PSD3: variants seen among roughly 807,000 people sequenced by gnomAD.
PSD3 encodes the protein pleckstrin and Sec7 domain containing 3.
Under a neutral mutation model 105.5 loss-of-function variants are expected in PSD3, and 49 were observed. The ratio of observed to expected loss-of-function variants is 0.46; its 90% CI spans 0.37 to 0.59. The LOEUF (loss-of-function observed/expected upper bound fraction) is 0.59. PSD3 is among the 20% of genes least tolerant of loss of function. The probability of loss-of-function intolerance (pLI) is 0.00; values close to 1 mark genes in which losing one functional copy is unlikely to be tolerated. For synonymous variants in PSD3, 557 were observed against 457.8 expected, an observed-to-expected ratio of 1.22 and a Z score of -2.77; for missense variants, 1,561 against 1,263.8, an observed-to-expected ratio of 1.24 and a Z score of -3.57.
intron 9 of PSD3, among the ~76,000 whole-genome samples, chr8:18,754,389 TAATAAA>T (rs1805857801): frequency 6.6e-6 from 1 of 152,132 alleles, no homozygotes; most frequent in Admixed American, 6.6e-5. Flanking sequence ...ATCTCAAAAT[TAATAAA>T]TGAATAATTT....
At chr8:19,055,767 C>T (rs192552798) in intron 1 of PSD3, among the ~76,000 whole-genome samples, 2 of 152,350 alleles carry the variant, frequency 1.3e-5, no homozygotes, top group African/African-American at 4.8e-5. Flanking sequence ...ACACCTCCTG[C>T]TGTGACCTGT....
chr8:18,903,816 T>G (rs1056847756), intron 2 of PSD3, among the ~76,000 whole-genome samples: 1 of 152,024 alleles, frequency 6.6e-6, no homozygotes, highest in Non-Finnish European at 1.5e-5. Flanking sequence ...AGGCACCGTT[T>G]TGGGGACATG....
chr8:18,586,675 A>G (rs532611751), intron 12 of PSD3, among the ~76,000 whole-genome samples: 1 of 152,254 alleles, frequency 6.6e-6, no homozygotes, highest in African/African-American at 2.4e-5. Context: ...ATTCTTTCGA[A>G]GACCAATTTG....
intron 1 of PSD3, among the ~76,000 whole-genome samples, chr8:19,034,024 G>A (rs57122741): frequency 0.17 from 26,199 of 152,054 alleles, 3,529 homozygotes; most frequent in African/African-American, 0.36. Context: ...AATATGAAAG[G>A]AAATAGTTTG....
intron 9 of PSD3, among the ~76,000 whole-genome samples, chr8:18,756,349 T>C (rs1366807358): frequency 2.6e-5 from 4 of 152,198 alleles, no homozygotes; most frequent in African/African-American, 9.7e-5. Context: ...TTTTTCTGAC[T>C]GAGGTCTGCT....
At chr8:18,565,948 CAA>C (rs1801716592) in intron 14 of PSD3, among the ~76,000 whole-genome samples, 1 of 152,044 alleles carries the variant, frequency 6.6e-6, no homozygotes, top group African/African-American at 2.4e-5. Context: ...GCCCTCACGA[CAA>C]AGAATTATCC....
intron 8 of PSD3, among the ~76,000 whole-genome samples, chr8:18,785,768 G>A (rs1038702881): frequency 2.6e-5 from 4 of 152,078 alleles, no homozygotes; most frequent in Non-Finnish European, 5.9e-5. Flanking sequence ...AACACTTAGA[G>A]GCCATTCTAA....
chr8:18,598,849 A>G (rs1804229532), intron 12 of PSD3, among the ~76,000 whole-genome samples: 1 of 152,130 alleles, frequency 6.6e-6, no homozygotes, highest in Non-Finnish European at 1.5e-5. Context: ...GGCAAAAGAC[A>G]TATACACTGA....
chr8:18,916,292 A>G (rs1820577607), intron 2 of PSD3, among the ~76,000 whole-genome samples: 1 of 101,120 alleles, frequency 9.9e-6, no homozygotes, highest in Non-Finnish European at 1.9e-5. Flanking sequence ...GGATTTAAAA[A>G]AAGTGATATA....
chr8:19,027,564 T>C (rs1827600787), intron 1 of PSD3, among the ~76,000 whole-genome samples: 1 of 152,210 alleles, frequency 6.6e-6, no homozygotes, highest in Non-Finnish European at 1.5e-5. Context: ...CTCCTCATGC[T>C]CCCTGCAAAG....
intron 13 of PSD3, among the ~76,000 whole-genome samples, chr8:18,573,353 C>G (rs1448598177): frequency 6.6e-6 from 1 of 152,036 alleles, no homozygotes; most frequent in African/African-American, 2.4e-5. Context: ...ACTTGTAGTC[C>G]CAGCTACTTG....
chr8:18,837,794 A>G (rs559030785), intron 4 of PSD3, among the ~76,000 whole-genome samples: 465 of 152,300 alleles, frequency 3.1e-3, no homozygotes, highest in African/African-American at 0.011. Context: ...TTAAAATTTA[A>G]ACATATTTAA....
Position 19,053,640 on chromosome 8 carries a change from A to C in PSD3, c.324+30566T>G, listed in dbSNP as rs999810211. Among the ~76,000 whole-genome samples the C allele has an allele frequency of 7.2e-5, 11 of 152,202 alleles. No homozygotes were observed. The East Asian group carries it at 2.1e-3, about 30-fold the overall frequency. ...CCCCGTCTCTACTAAAAATACAAAA[A>C]TTAGCTAGGTGGGTGGTGGTGGGCG... is the stretch of plus-strand genomic sequence containing the variant. On this transcript the variant is annotated intron_variant, in intron 1 of 1. Coordinates refer to the PSD3 transcript ENST00000521475.
chr8:18,609,457 C>G (rs778256710), intron 11 of PSD3, among the ~76,000 whole-genome samples: 8 of 152,174 alleles, frequency 5.3e-5, no homozygotes, highest in Non-Finnish European at 1.2e-4. Flanking sequence ...ATATACTTAG[C>G]AGAAGTTCTG....
chr8:18,602,117 G>C lies in PSD3; in HGVS notation c.2411-1683C>G, dbSNP rs572125768. ...GAAAATATTTTTGTTTTTAACAGAAGAGCCATAGGTCCTGAAGTACAAAGG... is the reference window on the plus strand; with the variant it reads ...GAAAATATTTTTGTTTTTAACAGAACAGCCATAGGTCCTGAAGTACAAAGG... On this transcript the variant is annotated intron_variant, in intron 11 of 15. Coordinates refer to ENST00000327040, the MANE Select transcript of PSD3 (RefSeq NM_015310.4). Among the ~76,000 whole-genome samples the C allele has an allele frequency of 1.1e-4, 16 of 152,288 alleles. No individual in the cohort carries two copies. In the South Asian group the frequency reaches 3.1e-3, roughly 30 times the overall value.
chr8:18,578,927 A>G (rs1454840272), intron 12 of PSD3, among the ~76,000 whole-genome samples: 1 of 152,132 alleles, frequency 6.6e-6, no homozygotes, highest in Non-Finnish European at 1.5e-5. Flanking sequence ...AGTGGAAGAC[A>G]GGATCTATTT....
intron 12 of PSD3, among the ~76,000 whole-genome samples, chr8:18,591,060 A>G (rs4457370): frequency 0.19 from 28,358 of 152,154 alleles, 3,354 homozygotes; most frequent in Non-Finnish European, 0.27. Flanking sequence ...TGAGTAATCA[A>G]TGATTTATGG....
intron 1 of PSD3, among the ~76,000 whole-genome samples, chr8:19,060,799 G>C (rs1009978874): frequency 6.6e-6 from 1 of 152,176 alleles, no homozygotes; most frequent in Non-Finnish European, 1.5e-5. Context: ...GCTGAAGGGG[G>C]AAAGAAGGAA....
At chr8:19,059,870 G>C (rs1039160628) in intron 1 of PSD3, among the ~76,000 whole-genome samples, 1 of 152,152 alleles carries the variant, frequency 6.6e-6, no homozygotes, top group African/African-American at 2.4e-5. Flanking sequence ...CACCTACCAG[G>C]CTCTGTCTTC....
Sources: allele counts gnomAD v4.1 joint callset (sites outside exome capture counted in the v4.1 genomes callset), GRCh38; gene constraint gnomAD v4.1.1; transcripts MANE v1.5; gene names NCBI Gene and HGNC (gene_info 2026-07-23, HGNC 2026-07-21).